The following PRTFDC1 variants were observed in gnomAD, a reference collection of about 807,000 sequenced individuals.
PRTFDC1 encodes phosphoribosyltransferase domain-containing protein 1.
Under a neutral mutation model 34.6 loss-of-function variants are expected in PRTFDC1, and 38 were observed. That is an observed-to-expected ratio of 1.10 (90% CI 0.85 to 1.44). PRTFDC1 has a LOEUF of 1.44. Among genes scored for constraint, PRTFDC1 ranks in the 40% most tolerant of loss-of-function variants. The probability of loss-of-function intolerance (pLI) is 0.00; values close to 1 mark genes in which losing one functional copy is unlikely to be tolerated. For synonymous variants in PRTFDC1, 93 were observed against 98.1 expected (o/e 0.95, Z 0.31); for missense variants, 270 against 283.0 (o/e 0.95, Z 0.33).
chr10:24,920,050 T>G (rs1023518503), intron 3 of PRTFDC1, among the ~76,000 whole-genome samples: 3 of 152,180 alleles, frequency 2.0e-5, no homozygotes, highest in Non-Finnish European at 4.4e-5. Context: ...TCAACCATTA[T>G]GGAAGACAGT....
intron 3 of PRTFDC1, among the ~76,000 whole-genome samples, chr10:24,890,118 CTCTG>C (rs1848235454): frequency 6.6e-5 from 10 of 152,226 alleles, no homozygotes; most frequent in African/African-American, 2.4e-4. Flanking sequence ...GGAAATGAGA[CTCTG>C]CTGTACCAAT....
intron 3 of PRTFDC1, among the ~76,000 whole-genome samples, chr10:24,934,005 A>G (rs181795541): frequency 6.6e-6 from 1 of 152,202 alleles, no homozygotes; most frequent in African/African-American, 2.4e-5. Context: ...GCAATTTATT[A>G]TATACACTCA....
intron 3 of PRTFDC1, among the ~76,000 whole-genome samples, chr10:24,898,397 G>A (rs1344553208): frequency 2.0e-5 from 3 of 149,044 alleles, no homozygotes; most frequent in Non-Finnish European, 4.4e-5. Flanking sequence ...CTGGGAGGTC[G>A]AGGCTGCAGT....
At chr10:24,942,466 T>G in intron 1 of PRTFDC1, 30 bp from the exon 2 acceptor site, 2 of 1,543,366 alleles carry the variant, frequency 1.3e-6, no homozygotes, top group South Asian at 2.2e-5. Context: ...GGTTATGGTA[T>G]TTTTTCATCA....
intron 3 of PRTFDC1, among the ~76,000 whole-genome samples, chr10:24,876,318 G>A (rs1251146203): frequency 1.3e-5 from 2 of 151,966 alleles, no homozygotes; most frequent in Admixed American, 6.6e-5. Flanking sequence ...AAGATTAACT[G>A]AATTAATGCA....
intron 3 of PRTFDC1, among the ~76,000 whole-genome samples, chr10:24,905,162 A>AT (rs1438205529): frequency 6.6e-6 from 1 of 151,826 alleles, no homozygotes; most frequent in African/African-American, 2.4e-5. Flanking sequence ...AAAAAAAAAA[A>AT]ATTAGCCAGG....
In PRTFDC1 at chr10:24,893,329, C is replaced by T. The variant is rs554767055; in HGVS notation, c.340-21266G>A. 4.6e-5 allele frequency among the ~76,000 whole-genome samples: 7 copies of T among 151,900 alleles called. No individual in the cohort carries two copies. The South Asian group carries it at 1.5e-3, about 32-fold the overall frequency. ...CTCTTGGCAGGGTCTTGTTCTGTTG[C>T]CTGGGCAGGAGTGCAGTGACGCAAT... On this transcript the variant is annotated intron_variant, in intron 3 of 8. Coordinates refer to ENST00000320152, the MANE Select transcript of PRTFDC1 (RefSeq NM_020200.7).
At position 24,851,647 on chromosome 10, in the gene PRTFDC1, G is replaced by T. The variant is rs987557543; in HGVS notation, c.554-183C>A. Among the ~76,000 whole-genome samples, 5 of 151,980 alleles carry T rather than the reference G, an allele frequency of 3.3e-5. No individual in the cohort carries two copies. The East Asian group carries it at 5.8e-4, about 18-fold the overall frequency. On this transcript the variant is annotated intron_variant, in intron 7 of 8. Transcript: ENST00000320152. ...GGGACCTGGACCCGAAGGACTACTC[G>T]GGAGGAAGGAGGCAAGGCAAACAAG...
At chr10:24,918,369 T>G (rs1848729437) in intron 3 of PRTFDC1, among the ~76,000 whole-genome samples, 1 of 152,172 alleles carries the variant, frequency 6.6e-6, no homozygotes, top group Non-Finnish European at 1.5e-5. Context: ...CCATGTCATT[T>G]TAGTGGAGAA....
chr10:24,896,271 G>A (rs982248861), intron 3 of PRTFDC1, among the ~76,000 whole-genome samples: 8 of 152,166 alleles, frequency 5.3e-5, no homozygotes, highest in African/African-American at 1.7e-4. Flanking sequence ...ACCCTATGGC[G>A]AACTGTGCAT....
chr10:24,910,284 G>A (rs1442416562), intron 3 of PRTFDC1, among the ~76,000 whole-genome samples: 1 of 152,184 alleles, frequency 6.6e-6, no homozygotes. Context: ...GAAGAAGACA[G>A]CTTTGGTTGA....
chr10:24,931,204 A>G (rs1480539503), intron 3 of PRTFDC1, among the ~76,000 whole-genome samples: 4 of 152,184 alleles, frequency 2.6e-5, no homozygotes, highest in Non-Finnish European at 5.9e-5. Context: ...AATGAACACA[A>G]TATATCAAAA....
rs533056252 is a variant in PRTFDC1 at position 24,877,088 on chromosome 10, G to A, written c.340-5025C>T. 7.2e-5 allele frequency among the ~76,000 whole-genome samples: 11 copies of A among 152,008 alleles called. 1 individual carries two copies. The South Asian group carries it at 1.9e-3, about 26-fold the overall frequency. ...TGAACCTTTCAGGAATTTGTGGCAC[G>A]ACCCCCCTACTTCTCAGTGATAGTC... On this transcript the variant is annotated intron_variant, in intron 3 of 8. Transcript: ENST00000320152.
rs150921719 is a variant in PRTFDC1 at position 24,852,726 on chromosome 10, T to G, written c.554-1262A>C. Reference sequence around the variant, plus strand: ...TCAGTGTTTTGGAATCTTACAGGTTTGTTTATTACAGTATTATAGATGAGA... The same window carrying G: ...TCAGTGTTTTGGAATCTTACAGGTTGGTTTATTACAGTATTATAGATGAGA... On this transcript the variant is annotated intron_variant, in intron 7 of 8. Coordinates refer to ENST00000320152, the MANE Select transcript of PRTFDC1 (RefSeq NM_020200.7). Among the ~76,000 whole-genome samples, 451 of 152,322 alleles carry G rather than the reference T, an allele frequency of 3.0e-3. 3 individuals carry two copies. Among genetic ancestry groups the G allele is most frequent in the African/African-American group, 0.01 (436 of 41,586 alleles).
intron 3 of PRTFDC1, among the ~76,000 whole-genome samples, chr10:24,926,200 C>T (rs1376476776): frequency 1.3e-5 from 2 of 152,142 alleles, no homozygotes; most frequent in African/African-American, 4.8e-5. Context: ...CATGCTCTTA[C>T]CTGTGAAACT....
chr10:24,856,545 G>A (rs1847579681), intron 6 of PRTFDC1, among the ~76,000 whole-genome samples: 2 of 151,846 alleles, frequency 1.3e-5, no homozygotes, highest in African/African-American at 4.8e-5. Context: ...CCGAGATTGT[G>A]CTACTGCACT....
At chr10:24,870,654 G>T (rs1019397643) in intron 4 of PRTFDC1, among the ~76,000 whole-genome samples, 3 of 152,130 alleles carry the variant, frequency 2.0e-5, no homozygotes, top group African/African-American at 7.2e-5. Flanking sequence ...ATGCACCAAT[G>T]TAACAGTAAC....
At chr10:24,860,949 A>G (rs1847669722) in intron 4 of PRTFDC1, among the ~76,000 whole-genome samples, 1 of 152,176 alleles carries the variant, frequency 6.6e-6, no homozygotes, top group Non-Finnish European at 1.5e-5. Flanking sequence ...AAAAAGAAAA[A>G]CCTTTCTAAA....
At chr10:24,887,989 G>C (rs1002302219) in intron 3 of PRTFDC1, among the ~76,000 whole-genome samples, 1 of 151,994 alleles carries the variant, frequency 6.6e-6, no homozygotes, top group Non-Finnish European at 1.5e-5. Context: ...TCAAACTCTC[G>C]GGCTCAAGCA....
Sources: allele counts gnomAD v4.1 joint callset (sites outside exome capture counted in the v4.1 genomes callset), GRCh38; gene constraint gnomAD v4.1.1; transcripts MANE v1.5; gene names NCBI Gene and HGNC (gene_info 2026-07-23, HGNC 2026-07-21).